The following RGS5 variants were observed in gnomAD, a reference collection of about 807,000 sequenced individuals.
RGS5 encodes regulator of G-protein signalling 5.
Under a neutral mutation model 18.9 loss-of-function variants are expected in RGS5, and 20 were observed. The ratio of observed to expected loss-of-function variants is 1.06; its 90% CI spans 0.74 to 1.54. RGS5 has a LOEUF of 1.54. Among genes scored for constraint, RGS5 ranks in the 40% most tolerant of loss-of-function variants. The pLI is 0.00. For synonymous variants in RGS5, 57 were observed against 76.2 expected, an observed-to-expected ratio of 0.75 and a Z score of 1.31; for missense variants, 201 against 211.8, an observed-to-expected ratio of 0.95 and a Z score of 0.32.
chr1:163,308,975 C>T (rs2101647893), intron 1 of RGS5, among the ~76,000 whole-genome samples: 1 of 152,330 alleles, frequency 6.6e-6, no homozygotes, highest in East Asian at 1.9e-4. Flanking sequence ...TGCTAATGCT[C>T]ATATGAGTCT....
intron 1 of RGS5, among the ~76,000 whole-genome samples, chr1:163,201,327 C>T (rs1393608911): frequency 2.0e-5 from 3 of 152,074 alleles, no homozygotes; most frequent in African/African-American, 7.2e-5. Flanking sequence ...TTTCTATATA[C>T]TAGGTAAGAG....
intron 2 of RGS5, chr1:163,306,133 T>C (rs890730159): frequency 2.0e-5 from 3 of 152,232 alleles, no homozygotes; most frequent in Non-Finnish European, 2.9e-5. Context: ...TTCAATTTTA[T>C]CTTGTATATT....
At chr1:163,200,804 C>A (rs1659745909) in intron 1 of RGS5, among the ~76,000 whole-genome samples, 1 of 152,152 alleles carries the variant, frequency 6.6e-6, no homozygotes, top group Non-Finnish European at 1.5e-5. Flanking sequence ...ACTCACCACT[C>A]TTCAATATTC....
chr1:163,186,594 A>G (rs1438351860), intron 1 of RGS5, among the ~76,000 whole-genome samples: 12 of 131,658 alleles, frequency 9.1e-5, no homozygotes, highest in Admixed American at 2.1e-4. Flanking sequence ...AAAAAAAAAA[A>G]AAAGAAAAAG....
chr1:163,314,663 G>A (rs1256963268), intron 1 of RGS5, among the ~76,000 whole-genome samples: 1 of 152,046 alleles, frequency 6.6e-6, no homozygotes, highest in African/African-American at 2.4e-5. Flanking sequence ...GAATATTTGT[G>A]TCTCCCCAAA....
intron 2 of RGS5, among the ~76,000 whole-genome samples, chr1:163,230,656 T>C (rs1022541023): frequency 2.6e-5 from 4 of 152,228 alleles, no homozygotes; most frequent in African/African-American, 7.2e-5. Flanking sequence ...TCAGTGATAC[T>C]ATTCTGCCAC....
intron 1 of RGS5, among the ~76,000 whole-genome samples, chr1:163,199,313 A>G (rs902329155): frequency 3.3e-5 from 5 of 152,180 alleles, no homozygotes; most frequent in African/African-American, 1.2e-4. Context: ...TAAAATTTCA[A>G]TAAGCAATAG....
chr1:163,186,605 A>C (rs551618174), intron 1 of RGS5, among the ~76,000 whole-genome samples: 1 of 150,004 alleles, frequency 6.7e-6, no homozygotes, highest in East Asian at 2.0e-4. Context: ...AAAGAAAAAG[A>C]AAAGAAAAAA....
At chr1:163,272,348 T>C (rs566423360) in intron 2 of RGS5, among the ~76,000 whole-genome samples, 7 of 152,252 alleles carry the variant, frequency 4.6e-5, no homozygotes, top group African/African-American at 1.7e-4. Context: ...CTTCTGCTAG[T>C]GTGAAGTTTA....
chr1:163,150,095 A>G (rs1340128000), intron 4 of RGS5, among the ~76,000 whole-genome samples: 1 of 152,168 alleles, frequency 6.6e-6, no homozygotes, highest in Non-Finnish European at 1.5e-5. Context: ...TCTAATACCC[A>G]GCTCAGGATC....
intron 2 of RGS5, among the ~76,000 whole-genome samples, chr1:163,162,407 G>A (rs1481435791): frequency 1.3e-5 from 2 of 152,156 alleles, no homozygotes; most frequent in Non-Finnish European, 2.9e-5. Flanking sequence ...TGAATCAGCA[G>A]AGGGCATTGG....
chr1:163,234,465 C>T (rs1344576575), intron 2 of RGS5, among the ~76,000 whole-genome samples: 1 of 152,078 alleles, frequency 6.6e-6, no homozygotes, highest in Non-Finnish European at 1.5e-5. Context: ...TGAACTAATG[C>T]TTTTTTTCTT....
chr1:163,271,668 C>T (rs1421790190), intron 2 of RGS5, among the ~76,000 whole-genome samples: 1 of 152,152 alleles, frequency 6.6e-6, no homozygotes, highest in Non-Finnish European at 1.5e-5. Flanking sequence ...TGTTTGGACA[C>T]ACCACATGTT....
chr1:163,252,238 T>C (rs1232817329), intron 2 of RGS5, among the ~76,000 whole-genome samples: 1 of 152,190 alleles, frequency 6.6e-6, no homozygotes, highest in Non-Finnish European at 1.5e-5. Flanking sequence ...TTTGCATTCA[T>C]ATATTCTTGA....
chr1:163,266,634 T>C (rs901011702), intron 2 of RGS5: 7 of 152,178 alleles, frequency 4.6e-5, no homozygotes, highest in Admixed American at 1.3e-4. Context: ...TGAATTCGTA[T>C]GTCACTCCAT....
At chr1:163,256,307 T>C (rs1261778941) in intron 2 of RGS5, among the ~76,000 whole-genome samples, 2 of 143,464 alleles carry the variant, frequency 1.4e-5, no homozygotes, top group Admixed American at 6.9e-5. Flanking sequence ...AGCATTCTTA[T>C]ACACCAATAA....
At chr1:163,186,610 A>G (rs1351676783) in intron 1 of RGS5, among the ~76,000 whole-genome samples, 1 of 151,508 alleles carries the variant, frequency 6.6e-6, no homozygotes, top group Non-Finnish European at 1.5e-5. Context: ...AAAAGAAAAG[A>G]AAAAAAGCAA....
intron 1 of RGS5, among the ~76,000 whole-genome samples, chr1:163,201,560 A>G (rs1659771318): frequency 1.3e-5 from 2 of 152,108 alleles, no homozygotes; most frequent in Non-Finnish European, 2.9e-5. Flanking sequence ...GGTAAACTAT[A>G]TTTCTTACTA....
chr1:163,314,999 C>A (rs930910778), intron 1 of RGS5, among the ~76,000 whole-genome samples: 1 of 152,134 alleles, frequency 6.6e-6, no homozygotes, highest in South Asian at 2.1e-4. Flanking sequence ...AACTAAGACA[C>A]CCTTCTAAAA....
Sources: allele counts gnomAD v4.1 joint callset (sites outside exome capture counted in the v4.1 genomes callset), GRCh38; gene constraint gnomAD v4.1.1; transcripts MANE v1.5; gene names NCBI Gene and HGNC (gene_info 2026-07-23, HGNC 2026-07-21).